The following MORC1 variants were observed in gnomAD, a reference collection of about 807,000 sequenced individuals.
The protein encoded by MORC1 is MORC family CW-type zinc finger protein 1.
A neutral mutation model predicts 134.9 loss-of-function variants in MORC1; 59 were observed. The ratio of observed to expected loss-of-function variants is 0.44; its 90% confidence interval spans 0.35 to 0.54. The LOEUF (loss-of-function observed/expected upper bound fraction) is 0.54, where lower values mean the gene tolerates loss of function less well. Ranked by LOEUF, MORC1 falls within the 20% of genes least tolerant of loss-of-function variation. MORC1 has a pLI of 0.00. For synonymous variants in MORC1, 395 were observed against 391.7 expected, an observed-to-expected ratio of 1.01 and a Z score of -0.10; for missense variants, 947 against 1,134.5, an observed-to-expected ratio of 0.83 and a Z score of 2.37.
chr3:109,086,295 C>T (rs1576726974), intron 8 of MORC1, among the ~76,000 whole-genome samples: 1 of 151,996 alleles, frequency 6.6e-6, no homozygotes, highest in Non-Finnish European at 1.5e-5. Flanking sequence ...ATCCCAATTA[C>T]CTCTATTTTA....
At chr3:108,960,970 T>C (rs1213565063) in intron 27 of MORC1, among the ~76,000 whole-genome samples, 3 of 152,244 alleles carry the variant, frequency 2.0e-5, no homozygotes. Flanking sequence ...ATGGAGATTA[T>C]GTTGAGAAAT....
At chr3:109,065,411 C>A (rs947379340) in intron 9 of MORC1, among the ~76,000 whole-genome samples, 3 of 152,144 alleles carry the variant, frequency 2.0e-5, no homozygotes, top group African/African-American at 7.2e-5. Flanking sequence ...AAAATTATTG[C>A]ATAACTCACT....
At chr3:109,061,496 G>T (rs1333294266) in intron 11 of MORC1, among the ~76,000 whole-genome samples, 1 of 152,172 alleles carries the variant, frequency 6.6e-6, no homozygotes, top group Admixed American at 6.5e-5. Context: ...TAAGCTGGAA[G>T]CATTCTTATT....
rs546034087 is a variant in MORC1, at chr3:109,059,540, A to AG, written c.1031+265_1031+266insC. Among the ~76,000 whole-genome samples the AG allele has an allele frequency of 5.3e-5, 8 of 152,254 alleles. No homozygotes were observed. The South Asian group carries it at 1.5e-3, about 28-fold the overall frequency. ...CATCCAGACATTTTCATCTAGCCCA[A>AG]TTAAATGCTGAACTAATTTTTCACT... On this transcript the variant is annotated intron_variant, in intron 12 of 27. Coordinates refer to ENST00000232603, the MANE Select transcript of MORC1 (RefSeq NM_014429.4).
intron 8 of MORC1, among the ~76,000 whole-genome samples, chr3:109,073,516 T>G (rs541167811): frequency 8.5e-5 from 13 of 152,256 alleles, no homozygotes; most frequent in African/African-American, 3.1e-4. Context: ...TGTTTGGACC[T>G]AGACACGAGC....
At chr3:109,038,224 G>T (rs1949425170) in intron 14 of MORC1, among the ~76,000 whole-genome samples, 1 of 151,524 alleles carries the variant, frequency 6.6e-6, no homozygotes, top group Admixed American at 6.6e-5. Context: ...TTTGTCTGTT[G>T]TCTGCATAAA....
At position 109,093,540 on chromosome 3, in the gene MORC1, A is replaced by G. The variant is rs576702316; in HGVS notation, c.585T>C (p.Gly195=). 28 of 1,601,906 alleles carry G rather than the reference A, an allele frequency of 1.7e-5. No individual in the cohort carries two copies. The African/African-American group carries it at 3.6e-4, about 21-fold the overall frequency. ...TCAAGTTATAAATAACCAGCAAAGT[A>G]CCTGGTAGAAAAATAGATGTTTGAC... is the stretch of plus-strand genomic sequence containing the variant. The part of the protein sequence containing the change: ...QQFDVIYGKC[G]TLLVIYNLKL... Residue 195 remains glycine, a splice_region_variant and synonymous_variant, in exon 8 of 28, where the codon GGT becomes GGC. Transcript: ENST00000232603.
intron 17 of MORC1, among the ~76,000 whole-genome samples, chr3:109,020,789 A>C (rs1948941296): frequency 6.6e-6 from 1 of 151,764 alleles, no homozygotes; most frequent in South Asian, 2.1e-4. Context: ...TTAGGTATGA[A>C]TTTTACTCCA....
intron 21 of MORC1, among the ~76,000 whole-genome samples, chr3:108,997,449 A>G (rs971387390): frequency 6.6e-6 from 1 of 152,156 alleles, no homozygotes; most frequent in Admixed American, 6.5e-5. Flanking sequence ...AATCGCTTAC[A>G]GTGAGTGGAG....
Position 108,963,753 on chromosome 3 carries a change from C to T in MORC1, c.2605-145G>A, listed in dbSNP as rs1190144754. The T allele has an allele frequency of 8.7e-6, 5 of 576,392 alleles. No individual in the cohort carries two copies. In the African/African-American group the frequency reaches 9.6e-5, roughly 11 times the overall value. The allele number at this position is 576,392 out of a possible 1,614,324, so 35.7% of individuals were successfully genotyped here. A position where few individuals can be genotyped will look rare whatever the true frequency, so the allele number is the denominator to read the frequency against. ...GGTCTAAATTTAGGAAATATTGATA[C>T]CCTTAAGGAACTTACATACACTCTG... is the stretch of plus-strand genomic sequence containing the variant. On this transcript the variant is annotated intron_variant, in intron 26 of 27. Transcript: ENST00000232603.
rs150994288 is a variant in MORC1, at chr3:109,117,663, T to C, written c.65+332A>G. The stretch of plus-strand genomic sequence containing the variant: ...CTGTTTGAAGGGCAACTTTAATGTT[T>C]AAATTGTCAGTGTGTTAGGCAGACT... On this transcript the variant is annotated intron_variant, in intron 1 of 27. Transcript: ENST00000232603. Among the ~76,000 whole-genome samples the C allele has an allele frequency of 3.9e-4, 59 of 152,346 alleles. 1 individual carries two copies. The East Asian group carries it at 8.1e-3, about 21-fold the overall frequency.
At chr3:109,064,476 GAAC>G (rs541991651) in intron 9 of MORC1, among the ~76,000 whole-genome samples, 307 of 152,148 alleles carry the variant, frequency 2.0e-3, no homozygotes, top group African/African-American at 7.0e-3. Context: ...GGTTTGATCA[GAAC>G]AACTTGCAGA....
At chr3:108,984,907 TA>T (rs1398195958) in intron 22 of MORC1, 125 bp from the exon 23 acceptor site, 1 of 656,504 alleles carries the variant, frequency 1.5e-6, no homozygotes, top group Non-Finnish European at 2.5e-6. Context: ...CATCCATTTA[TA>T]AAACTGTACC....
At chr3:109,054,626 C>T (rs913933766) in intron 14 of MORC1, 102 bp downstream of exon 14, 5 of 1,089,816 alleles carry the variant, frequency 4.6e-6, no homozygotes, top group Non-Finnish European at 6.2e-6. Flanking sequence ...TCAGAGTTTT[C>T]AGTTGCTGGT....
chr3:109,014,671 G>A (rs1576633465), intron 17 of MORC1, among the ~76,000 whole-genome samples: 5 of 152,224 alleles, frequency 3.3e-5, no homozygotes, highest in Admixed American at 3.3e-4. Context: ...TTTCGTGCTA[G>A]TTTTATTGTA....
intron 8 of MORC1, among the ~76,000 whole-genome samples, chr3:109,073,207 T>C (rs1388592060): frequency 2.0e-5 from 3 of 152,192 alleles, no homozygotes; most frequent in Non-Finnish European, 2.9e-5. Flanking sequence ...GCTGCTGTTT[T>C]AAATGCTGCT....
intron 17 of MORC1, among the ~76,000 whole-genome samples, chr3:109,007,905 G>A (rs1242316424): frequency 6.6e-6 from 1 of 151,776 alleles, no homozygotes; most frequent in African/African-American, 2.4e-5. Context: ...AATCTTTCTG[G>A]AGATGTGTTT....
intron 14 of MORC1, 35 bp downstream of exon 14, chr3:109,054,693 G>A (rs779025144): frequency 2.1e-6 from 3 of 1,456,902 alleles, no homozygotes; most frequent in Non-Finnish European, 2.7e-6. Context: ...TAATCCCTCT[G>A]TAAGTATCTC....
chr3:109,092,263 G>A (rs905530612), intron 8 of MORC1, among the ~76,000 whole-genome samples: 8 of 152,156 alleles, frequency 5.3e-5, no homozygotes, highest in African/African-American at 1.9e-4. Flanking sequence ...CTCCATTTAT[G>A]TGTATATTAG....
Sources: allele counts gnomAD v4.1 joint callset (sites outside exome capture counted in the v4.1 genomes callset), GRCh38; gene constraint gnomAD v4.1.1; transcripts MANE v1.5; gene names NCBI Gene and HGNC (gene_info 2026-07-23, HGNC 2026-07-21).